The following ALDH8A1 variants were observed in gnomAD, a reference collection of about 807,000 sequenced individuals.
The protein encoded by ALDH8A1 is 2-aminomuconic semialdehyde dehydrogenase.
In ALDH8A1, 39 loss-of-function variants were observed where a neutral mutation model predicts 43.3. The observed-to-expected ratio is 0.90, with a 90% confidence interval of 0.70 to 1.18. The LOEUF is 1.18. ALDH8A1 is among the 50% of genes most tolerant of loss of function. ALDH8A1 has a pLI of 0.00. For missense variants in ALDH8A1, 605 were observed against 622.6 expected, an observed-to-expected ratio of 0.97 and a Z score of 0.30; for synonymous variants, 233 against 243.5, an observed-to-expected ratio of 0.96 and a Z score of 0.40.
chr6:134,931,003 G>A (rs1776976577), intron 5 of ALDH8A1, among the ~76,000 whole-genome samples: 1 of 152,162 alleles, frequency 6.6e-6, no homozygotes, highest in African/African-American at 2.4e-5. Context: ...CTTCAAAAAA[G>A]CCAATTACAT....
At position 134,918,640 on chromosome 6, in the gene ALDH8A1, G is replaced by T. The variant is rs1189723285; in HGVS notation, c.1239C>A (p.Asn413Lys). 6.2e-7 allele frequency: 1 copy of T among 1,614,188 alleles called. No homozygotes were observed. ...DSEEEVIERA[N>K]NVKYGLAATV... ...TAGCCGCCAGCCCATACTTAACGTTGTTGGCTCTTTCAATCACCTCCTCTT... is the reference window on the plus strand; with the variant it reads ...TAGCCGCCAGCCCATACTTAACGTTTTTGGCTCTTTCAATCACCTCCTCTT... The change falls in exon 7 of 7, where the codon AAC becomes AAA. Residue 413 changes from asparagine (N) to lysine (K), a missense_variant. Asn to Lys is a moderately conservative substitution (Grantham distance 94). Coordinates refer to ENST00000265605, the MANE Select transcript of ALDH8A1 (RefSeq NM_022568.4).
intron 6 of ALDH8A1, among the ~76,000 whole-genome samples, chr6:134,926,821 AAG>A (rs781688065): frequency 7.3e-6 from 1 of 137,706 alleles, no homozygotes; most frequent in Admixed American, 7.4e-5. Flanking sequence ...AAAAAAAAAA[AAG>A]GGCAGTGTGT....
chr6:134,937,140 A>T (rs1344721901), intron 4 of ALDH8A1, among the ~76,000 whole-genome samples: 1 of 152,238 alleles, frequency 6.6e-6, no homozygotes, highest in African/African-American at 2.4e-5. Flanking sequence ...AGAAGAAATG[A>T]CTATTCCAGG....
intron 4 of ALDH8A1, among the ~76,000 whole-genome samples, chr6:134,935,035 G>A (rs890564032): frequency 1.3e-5 from 2 of 152,160 alleles, no homozygotes. Context: ...ACTCTGCTCA[G>A]GATAAATTTC....
chr6:134,936,128 T>C (rs1452159580), intron 4 of ALDH8A1, among the ~76,000 whole-genome samples: 1 of 152,176 alleles, frequency 6.6e-6, no homozygotes, highest in East Asian at 1.9e-4. Flanking sequence ...GTTTTTGTAT[T>C]TTGGTAGAGA....
rs1312336195 is a variant in ALDH8A1 at position 134,949,854 on chromosome 6, G to A, written c.138+62C>T. Reference sequence around the variant, plus strand: ...CAACTCCCTCTGCTTTTAGAAAACTGTTACCCATAATTGGCCAACATATTA... The same window carrying A: ...CAACTCCCTCTGCTTTTAGAAAACTATTACCCATAATTGGCCAACATATTA... On this transcript the variant is annotated intron_variant, in intron 1 of 6. Coordinates refer to ENST00000265605, the MANE Select transcript of ALDH8A1 (RefSeq NM_022568.4). 5.4e-6 allele frequency: 8 copies of A among 1,476,900 alleles called. No homozygotes were observed. The African/African-American group carries it at 8.5e-5, about 16-fold the overall frequency. The allele number at this position is 1,476,900 out of a possible 1,614,324, so 91.5% of individuals were successfully genotyped here.
rs73547165 is a variant in ALDH8A1, at chr6:134,917,651, T to G, written c.*764A>C. 1 of 152,406 alleles carries G rather than the reference T, an allele frequency of 6.6e-6. No homozygotes were observed. Among genetic ancestry groups the G allele is most frequent in the African/African-American group, 2.4e-5 (1 of 41,578 alleles). The allele number at this position is 152,406 out of a possible 1,614,324, so 9.4% of individuals were successfully genotyped here. ...TCCAAAGACGTCCACAGCCCCCTTATGTAATGAGGTCCAATCAATGATCAA... is the reference window on the plus strand; with the variant it reads ...TCCAAAGACGTCCACAGCCCCCTTAGGTAATGAGGTCCAATCAATGATCAA... On this transcript the variant is annotated 3_prime_UTR_variant, in exon 7 of 7. Transcript: ENST00000265605.
intron 2 of ALDH8A1, 81 bp from the exon 3 acceptor site, chr6:134,942,645 A>G (rs935421558): frequency 7.8e-6 from 11 of 1,406,592 alleles, no homozygotes; most frequent in Admixed American, 4.1e-5. Flanking sequence ...ACGCGTCCCA[A>G]CTCACACTGA....
intron 2 of ALDH8A1, among the ~76,000 whole-genome samples, chr6:134,943,309 T>A (rs1583036053): frequency 6.6e-6 from 1 of 152,326 alleles, no homozygotes. Flanking sequence ...TGCAAAAATT[T>A]ACAAATATTT....
Position 134,932,851 on chromosome 6 carries a change from A to G in ALDH8A1, c.774T>C (p.Asn258=). ...TGGCGTCCTCAAAGATGATGGCAGG[A>G]TTCTTGCCCCCCAGCTCCAGGGAGA... ...KKLSLELGGK[N]PAIIFEDANL... is the part of the protein sequence containing the mutation. Residue 258 remains asparagine, a synonymous_variant, in exon 5 of 7, where the codon AAT becomes AAC. Transcript: ENST00000265605. The G allele has an allele frequency of 6.2e-7, 1 of 1,614,192 alleles. No homozygotes were observed. The highest frequency in any genetic ancestry group is 1.1e-5 in the South Asian group (1 of 91,086).
intron 4 of ALDH8A1, among the ~76,000 whole-genome samples, chr6:134,935,587 T>C (rs1334902033): frequency 6.6e-6 from 1 of 152,080 alleles, no homozygotes; most frequent in Non-Finnish European, 1.5e-5. Context: ...GTAGCAGAGT[T>C]TATTCCCTCT....
intron 1 of ALDH8A1, among the ~76,000 whole-genome samples, chr6:134,945,973 T>C (rs1298794454): frequency 6.6e-6 from 1 of 152,208 alleles, no homozygotes; most frequent in Non-Finnish European, 1.5e-5. Context: ...TGGTAGTTTT[T>C]CTTGGCCTTC....
intron 6 of ALDH8A1, among the ~76,000 whole-genome samples, chr6:134,925,665 C>T (rs1188698432): frequency 1.3e-5 from 2 of 152,026 alleles, no homozygotes; most frequent in African/African-American, 4.8e-5. Flanking sequence ...ATAAAACTGA[C>T]CAAGAAGCTG....
At chr6:134,932,237 A>G (rs1776996898) in intron 5 of ALDH8A1, among the ~76,000 whole-genome samples, 1 of 152,350 alleles carries the variant, frequency 6.6e-6, no homozygotes, top group Admixed American at 6.5e-5. Context: ...CAAAAACTAC[A>G]GAGCACAGAG....
intron 6 of ALDH8A1, among the ~76,000 whole-genome samples, chr6:134,925,924 C>G (rs1776874912): frequency 6.6e-6 from 1 of 152,004 alleles, no homozygotes; most frequent in South Asian, 2.1e-4. Context: ...GAGCAAGGGC[C>G]AAGAAGGAGG....
Position 134,949,995 on chromosome 6 carries a change from G to C in ALDH8A1, c.59C>G (p.Pro20Arg), listed in dbSNP as rs141312439. 1.2e-6 allele frequency: 2 copies of C among 1,613,002 alleles called. No individual in the cohort carries two copies. The highest frequency in any genetic ancestry group is 1.7e-6 in the Non-Finnish European group (2 of 1,179,482). Residue 20 changes from proline (P) to arginine (R), a missense_variant, in exon 1 of 7, where the codon CCT becomes CGT. Transcript: ENST00000265605. Reference sequence around the variant, plus strand: ...GTAAGAATCTATATATGAGCTACAAGGTAAAAATTTTCCATCTATGAAGTT... The same window carrying C: ...GTAAGAATCTATATATGAGCTACAACGTAAAAATTTTCCATCTATGAAGTT... Reference protein sequence around the residue: ...LENFIDGKFLPCSSYIDSYDP... With the variant: ...LENFIDGKFLRCSSYIDSYDP...
At chr6:134,931,326 C>T (rs1776982212) in intron 5 of ALDH8A1, among the ~76,000 whole-genome samples, 2 of 152,116 alleles carry the variant, frequency 1.3e-5, no homozygotes, top group African/African-American at 2.4e-5. Flanking sequence ...TGCATTGGTG[C>T]TAACTCGGCA....
chr6:134,943,119 C>T (rs534776662), intron 2 of ALDH8A1, among the ~76,000 whole-genome samples: 1 of 152,318 alleles, frequency 6.6e-6, no homozygotes, highest in Non-Finnish European at 1.5e-5. Context: ...GAAAGAGAAA[C>T]AGAAGCTTAC....
chr6:134,919,878 G>C (rs1266210768), intron 6 of ALDH8A1, among the ~76,000 whole-genome samples: 1 of 152,192 alleles, frequency 6.6e-6, no homozygotes, highest in East Asian at 1.9e-4. Flanking sequence ...TATTAAATTT[G>C]CTCCAAGTTT....
Sources: gnomAD v4.1 joint callset for allele counts (sites outside exome capture counted in the v4.1 genomes callset) on GRCh38, gnomAD v4.1.1 for gene constraint, MANE v1.5 for transcripts, NCBI Gene and HGNC (gene_info 2026-07-23, HGNC 2026-07-21) for gene names.